Variants in CIROZ observed in about 807,000 individuals in gnomAD.
The protein encoded by CIROZ is ciliated left-right organizer protein containing ZP-N domains.
At chr1:10,972,043 G>A in the CIROZ span, among the ~76,000 whole-genome samples, 17 of 152,308 alleles carry the variant, frequency 1.1e-4, no homozygotes, top group South Asian at 2.1e-4. Context: ...TGCCCTGTGC[G>A]TGGCATCCAC....
chr1:10,957,106 A>C, the CIROZ span: 3 of 1,548,856 alleles, frequency 1.9e-6, no homozygotes, highest in Non-Finnish European at 2.6e-6. Context: ...GGTGTTCAGC[A>C]CCTGGGGAGG....
chr1:10,951,745 A>AAAATATATATATATATATATAT, the CIROZ span, among the ~76,000 whole-genome samples: 1 of 119,206 alleles, frequency 8.4e-6, no homozygotes, highest in African/African-American at 3.6e-5. Context: ...AAAAAAAAAA[A>AAAATATATATATATATATATAT]ATATATATAT....
the CIROZ span, among the ~76,000 whole-genome samples, chr1:10,951,745 A>AAAAAAAAAAAAAAAATATATATATATAT: frequency 8.4e-6 from 1 of 119,206 alleles, no homozygotes; most frequent in African/African-American, 3.6e-5. Context: ...AAAAAAAAAA[A>AAAAAAAAAAAAAAAATATATATATATAT]ATATATATAT....
At chr1:10,967,239 C>T in the CIROZ span, among the ~76,000 whole-genome samples, 27 of 152,134 alleles carry the variant, frequency 1.8e-4, no homozygotes, top group African/African-American at 6.0e-4. Flanking sequence ...TTCTCTGACC[C>T]CCTTTCCCAC....
the CIROZ span, chr1:10,958,799 A>G: frequency 3.7e-6 from 6 of 1,605,134 alleles, no homozygotes; most frequent in Non-Finnish European, 5.1e-6. Context: ...CGGTGAGCAA[A>G]GGTGAGCAAA....
At chr1:10,964,032 G>A in the CIROZ span, 1 of 1,470,350 alleles carries the variant, frequency 6.8e-7, no homozygotes, top group Non-Finnish European at 9.2e-7. Flanking sequence ...GCCACGTCCT[G>A]TGGTGCAGGA....
At chr1:10,957,229 T>C in the CIROZ span, 217 of 744,604 alleles carry the variant, frequency 2.9e-4, 2 homozygotes, top group African/African-American at 3.4e-3. Context: ...CCCCAAGTGT[T>C]ACAAAGCCCA....
the CIROZ span, chr1:10,949,924 G>T: frequency 1.0e-6 from 1 of 996,706 alleles, no homozygotes; most frequent in Non-Finnish European, 1.4e-6. Flanking sequence ...GGGAACGGAA[G>T]CTTGGGGAGG....
At chr1:10,964,338 T>C in the CIROZ span, 449,855 of 1,511,476 alleles carry the variant, frequency 0.3, 71,353 homozygotes, top group South Asian at 0.51. Flanking sequence ...CCTGCAATTA[T>C]AGGTCAGTCC....
chr1:10,964,487 C>T, the CIROZ span, among the ~76,000 whole-genome samples: 1 of 152,192 alleles, frequency 6.6e-6, no homozygotes, highest in African/African-American at 2.4e-5. Context: ...AGGAAGCCCT[C>T]CAGGCTGGGG....
At chr1:10,948,357 C>T in the CIROZ span, 1 of 1,613,620 alleles carries the variant, frequency 6.2e-7, no homozygotes, top group Admixed American at 1.7e-5. Context: ...CCGCCAGGGC[C>T]TCGCCAATGG....
chr1:10,948,581 A>C, the CIROZ span: 3 of 1,614,152 alleles, frequency 1.9e-6, no homozygotes, highest in Non-Finnish European at 2.5e-6. Context: ...CTGGCGGTGA[A>C]GGAGAGGAGG....
chr1:10,981,553 A>C, the CIROZ span, among the ~76,000 whole-genome samples: 2 of 151,152 alleles, frequency 1.3e-5, no homozygotes. Context: ...GGAAGGAAGG[A>C]AGGGAGGGAA....
At chr1:10,947,791 G>A in the CIROZ span, 5 of 1,599,926 alleles carry the variant, frequency 3.1e-6, no homozygotes, top group Middle Eastern at 1.7e-4. Context: ...CGGCCAGCCT[G>A]GAAGGGGTAT....
the CIROZ span, chr1:10,955,181 A>G: frequency 4.4e-6 from 7 of 1,602,312 alleles, no homozygotes; most frequent in East Asian, 6.7e-5. Flanking sequence ...TCTGGCTGGA[A>G]TGACACTGGA....
At chr1:10,950,848 G>A in the CIROZ span, among the ~76,000 whole-genome samples, 1 of 152,136 alleles carries the variant, frequency 6.6e-6, no homozygotes, top group Non-Finnish European at 1.5e-5. Context: ...CATTTTAAAA[G>A]CAGGAGTTCT....
At chr1:10,956,521 G>A in the CIROZ span, among the ~76,000 whole-genome samples, 1 of 151,386 alleles carries the variant, frequency 6.6e-6, no homozygotes, top group Non-Finnish European at 1.5e-5. Flanking sequence ...TGTCCCCCAG[G>A]CTGGAGTGCA....
At chr1:10,973,666 G>C in the CIROZ span, among the ~76,000 whole-genome samples, 1 of 152,114 alleles carries the variant, frequency 6.6e-6, no homozygotes, top group Non-Finnish European at 1.5e-5. Flanking sequence ...GGAGCTGGTG[G>C]GAGCCCCGCC....
chr1:10,963,810 A>C, the CIROZ span, among the ~76,000 whole-genome samples: 1 of 152,072 alleles, frequency 6.6e-6, no homozygotes, highest in African/African-American at 2.4e-5. Context: ...ACAAAGATGC[A>C]ATTTTGCAGC....
Sources: allele counts gnomAD v4.1 joint callset (sites outside exome capture counted in the v4.1 genomes callset), GRCh38; gene constraint gnomAD v4.1.1; transcripts MANE v1.5; gene names NCBI Gene and HGNC (gene_info 2026-07-23, HGNC 2026-07-21).